COCH: variants seen among roughly 807,000 people sequenced by gnomAD.
COCH encodes cochlin.
A neutral mutation model predicts 54.8 loss-of-function variants in COCH; 40 were observed. The ratio of observed to expected loss-of-function variants is 0.73; its 90% confidence interval spans 0.57 to 0.95. The LOEUF is 0.95. COCH is among the 40% of genes least tolerant of loss of function. The probability of loss-of-function intolerance (pLI) is 0.00; values close to 1 mark genes in which losing one functional copy is unlikely to be tolerated. For missense variants in COCH, 605 were observed against 675.0 expected (o/e 0.90, Z 1.15); for synonymous variants, 256 against 237.9 (o/e 1.08, Z -0.70).
At chr14:30,883,424 C>A (rs1895681011) in intron 8 of COCH, among the ~76,000 whole-genome samples, 1 of 152,078 alleles carries the variant, frequency 6.6e-6, no homozygotes, top group Admixed American at 6.6e-5. Context: ...ATAGGTAAAC[C>A]ATGTCAAGTT....
Position 30,889,839 on chromosome 14 carries a change from T to C in COCH, c.*48T>C. 1 of 1,584,600 alleles carries C rather than the reference T, an allele frequency of 6.3e-7. No homozygotes were observed. The highest frequency in any genetic ancestry group is 8.6e-7 in the Non-Finnish European group (1 of 1,162,374). On this transcript the variant is annotated 3_prime_UTR_variant, in exon 12 of 12. Transcript: ENST00000396618. ...AGAAAAAGTACAAGGGGATCCAGTG[T>C]GTAAATTGTATTCTCATAATACTGA... is the stretch of plus-strand genomic sequence containing the variant.
chr14:30,895,128 A>T, downstream of COCH: 2 of 294,378 alleles, frequency 6.8e-6, no homozygotes, highest in Non-Finnish European at 1.2e-5. Context: ...ATCAGACTCC[A>T]CATTGGCTTA....
rs769911394 is a variant in COCH, at chr14:30,889,761, T to C, written c.1623T>C (p.Ile541=). The C allele has an allele frequency of 3.1e-6, 5 of 1,610,876 alleles. No individual in the cohort carries two copies. Among genetic ancestry groups the C allele is most frequent in the African/African-American group, 1.3e-5 (1 of 74,982 alleles). Residue 541 remains isoleucine, a synonymous_variant, in exon 12 of 12, where the codon ATT becomes ATC. Coordinates refer to ENST00000396618, the MANE Select transcript of COCH (RefSeq NM_004086.3). ...TTGTTTCTGATGTCATCAGAGGCAT[T>C]TGTAGAGATTTCTTAGAATCCCAGC... ...EPIVSDVIRG[I]CRDFLESQQ
Position 30,890,032 on chromosome 14 carries a change from A to G in COCH, c.*241A>G. 1 of 1,224,384 alleles carries G rather than the reference A, an allele frequency of 8.2e-7. No homozygotes were observed. Among genetic ancestry groups the G allele is most frequent in the Non-Finnish European group, 1.0e-6 (1 of 976,592 alleles). The allele number at this position is 1,224,384 out of a possible 1,614,324, so 75.8% of individuals were successfully genotyped here. On this transcript the variant is annotated 3_prime_UTR_variant, in exon 12 of 12. Transcript: ENST00000396618. ...ATCATGGCTCTTAGAAACTCAGGAA[A>G]GAGGAGATAATGTGGATTAAAACCT... is the stretch of plus-strand genomic sequence containing the variant.
intron 9 of COCH, chr14:30,885,179 T>C (rs1895740784): frequency 8.7e-7 from 1 of 1,155,310 alleles, no homozygotes; most frequent in South Asian, 1.5e-5. Flanking sequence ...CTAATATGGC[T>C]TGTGAAGATA....
At chr14:30,883,761 A>C (rs1895691021) in intron 8 of COCH, among the ~76,000 whole-genome samples, 1 of 152,228 alleles carries the variant, frequency 6.6e-6, no homozygotes, top group Non-Finnish European at 1.5e-5. Flanking sequence ...TCTGCTGAAC[A>C]CAGAGTAGTT....
Position 30,877,320 on chromosome 14 carries a change from A to C in COCH, c.83-252A>C. The C allele has an allele frequency of 2.2e-6, 1 of 456,418 alleles. No individual in the cohort carries two copies. Among genetic ancestry groups the C allele is most frequent in the Non-Finnish European group, 3.9e-6 (1 of 253,294 alleles). The allele number at this position is 456,418 out of a possible 1,614,324, so 28.3% of individuals were successfully genotyped here. A position where few individuals can be genotyped will look rare whatever the true frequency, so the allele number is the denominator to read the frequency against. Reference sequence around the variant, plus strand: ...GCAACTTGGCGAGTCCCCATTTCAAAAACAAAAACGAAATAAAAACCCAGA... The same window carrying C: ...GCAACTTGGCGAGTCCCCATTTCAACAACAAAAACGAAATAAAAACCCAGA... On this transcript the variant is annotated intron_variant, in intron 3 of 11. Coordinates refer to ENST00000396618, the MANE Select transcript of COCH (RefSeq NM_004086.3). The surrounding 1 kb of genome is among the most constrained non-coding windows in gnomAD (Gnocchi z 8.6).
chr14:30,874,989 C>T lies in COCH; in HGVS notation c.34+17C>T. On this transcript the variant is annotated intron_variant, in intron 2 of 11. Coordinates refer to ENST00000396618, the MANE Select transcript of COCH (RefSeq NM_004086.3). Reference sequence around the variant, plus strand: ...TCGGCCTCGGTGGGTGCGCGCCCCTCACGACCCCGGCCCCTTGCTCCGCTG... The same window carrying T: ...TCGGCCTCGGTGGGTGCGCGCCCCTTACGACCCCGGCCCCTTGCTCCGCTG... 2 of 1,613,180 alleles carry T rather than the reference C, an allele frequency of 1.2e-6. No individual in the cohort carries two copies. Among genetic ancestry groups the T allele is most frequent in the Non-Finnish European group, 1.7e-6 (2 of 1,179,846 alleles).
chr14:30,895,495 T>C (rs1282237034), downstream of COCH: 10 of 1,614,102 alleles, frequency 6.2e-6, no homozygotes, highest in Non-Finnish European at 8.5e-6. Context: ...CATAAATTGA[T>C]TCATCCAATT....
chr14:30,889,282 G>C (rs1315292928), intron 11 of COCH: 2 of 275,442 alleles, frequency 7.3e-6, no homozygotes, highest in East Asian at 1.9e-4. Context: ...AAGATACTGT[G>C]GATCAGGTTA....
intron 9 of COCH, chr14:30,885,018 ACT>A (rs1286057803): frequency 6.3e-7 from 1 of 1,598,214 alleles, no homozygotes; most frequent in East Asian, 2.2e-5. Context: ...ACTACCGTTG[ACT>A]CTGAAGAGAG....
chr14:30,883,923 C>T (rs1895695331), intron 8 of COCH, among the ~76,000 whole-genome samples: 1 of 152,078 alleles, frequency 6.6e-6, no homozygotes, highest in African/African-American at 2.4e-5. Context: ...TCACCTTTGT[C>T]CCTTTAAAAA....
rs551552278 is a variant in COCH, at chr14:30,889,980, T to C, written c.*189T>C. The C allele has an allele frequency of 5.7e-5, 77 of 1,340,770 alleles. 1 individual carries two copies. In the Admixed American group the frequency reaches 1.9e-3, roughly 33 times the overall value. The allele number at this position is 1,340,770 out of a possible 1,614,324, so 83.1% of individuals were successfully genotyped here. On this transcript the variant is annotated 3_prime_UTR_variant, in exon 12 of 12. Transcript: ENST00000396618. The stretch of plus-strand genomic sequence containing the variant: ...TCTGGTTACAATTTACAGTGTACTT[T>C]GTTAAAAACACTGCTGAGGCTTCAT...
chr14:30,877,629 A>G lies in COCH; in HGVS notation c.140A>G (p.Asp47Gly), dbSNP rs1895411345. ...TTGGACATCAGGAAAGAGAAAGCAG[A>G]TGTCCTCTGCCCAGGGGGCTGCCCT... Reference protein sequence around the residue: ...RGLDIRKEKADVLCPGGCPLE... With the variant: ...RGLDIRKEKAGVLCPGGCPLE... Residue 47 changes from aspartate (D) to glycine (G), a missense_variant, in exon 4 of 12, where the codon GAT becomes GGT. Asp to Gly is a moderately conservative substitution (Grantham distance 94). Transcript: ENST00000396618. The surrounding 1 kb of genome is among the most constrained non-coding windows in gnomAD (Gnocchi z 8.6). 1 of 1,614,122 alleles carries G rather than the reference A, an allele frequency of 6.2e-7. No individual in the cohort carries two copies. The highest frequency in any genetic ancestry group is 8.5e-7 in the Non-Finnish European group (1 of 1,180,034).
intron 5 of COCH, 151 bp downstream of exon 5, chr14:30,879,095 G>A: frequency 8.4e-7 from 1 of 1,197,220 alleles, no homozygotes; most frequent in South Asian, 1.3e-5. Context: ...TTAGACTGAG[G>A]GGTCAAGTAC....
Position 30,884,603 on chromosome 14 carries a change from A to G in COCH, c.680A>G (p.Asp227Gly). 3 of 1,613,848 alleles carry G rather than the reference A, an allele frequency of 1.9e-6. No homozygotes were observed. The highest frequency in any genetic ancestry group is 2.5e-6 in the Non-Finnish European group (3 of 1,179,850). Residue 227 changes from aspartate to glycine, a missense_variant, in exon 9 of 12, where the codon GAT becomes GGT. Coordinates refer to ENST00000396618, the MANE Select transcript of COCH (RefSeq NM_004086.3). ...FYLKNFTSAKDVLFAIKEVGF... is the reference protein window; with the variant it reads ...FYLKNFTSAKGVLFAIKEVGF... ...TTGAAAAACTTTACATCAGCCAAAGATGTTTTGTTTGCCATAAAGGAAGTA... is the reference window on the plus strand; with the variant it reads ...TTGAAAAACTTTACATCAGCCAAAGGTGTTTTGTTTGCCATAAAGGAAGTA...
chr14:30,891,407 C>A (rs916281474), downstream of COCH, among the ~76,000 whole-genome samples: 1 of 152,186 alleles, frequency 6.6e-6, no homozygotes, highest in Non-Finnish European at 1.5e-5. Flanking sequence ...TCCAGTAAAT[C>A]TTCTGAGTCT....
At chr14:30,884,877 T>C (rs755826157) in intron 9 of COCH, 2 of 1,557,894 alleles carry the variant, frequency 1.3e-6, no homozygotes, top group Non-Finnish European at 1.7e-6. Context: ...TAAAGCATGG[T>C]GATTTAGAAT....
intron 8 of COCH, among the ~76,000 whole-genome samples, chr14:30,883,675 T>C (rs1163599450): frequency 6.6e-6 from 1 of 152,222 alleles, no homozygotes; most frequent in Non-Finnish European, 1.5e-5. Flanking sequence ...TCTTAAATTT[T>C]GCACTAGGAA....
Sources: gnomAD v4.1 joint callset for allele counts (sites outside exome capture counted in the v4.1 genomes callset) on GRCh38, gnomAD v4.1.1 for gene constraint, Gnocchi (gnomAD v3.1) non-coding constraint, MANE v1.5 for transcripts, NCBI Gene and HGNC (gene_info 2026-07-23, HGNC 2026-07-21) for gene names.